Variants in C14orf93 observed in about 807,000 individuals in gnomAD.
The protein encoded by C14orf93 is chromosome 14 open reading frame 93, also known as uncharacterized protein C14orf93.
Under a neutral mutation model 44.0 loss-of-function variants are expected in C14orf93, and 23 were observed. The observed-to-expected ratio is 0.52, with a 90% CI of 0.38 to 0.74. C14orf93 has a LOEUF of 0.74. Among genes scored for constraint, C14orf93 ranks in the 30% least tolerant of loss-of-function variants. C14orf93 has a pLI of 0.00. For missense variants in C14orf93, 579 were observed against 678.9 expected, an observed-to-expected ratio of 0.85 and a Z score of 1.64; for synonymous variants, 253 against 265.7, an observed-to-expected ratio of 0.95 and a Z score of 0.46.
chr14:22,992,504 A>G (rs2045710503), intron 3 of C14orf93, among the ~76,000 whole-genome samples: 1 of 151,250 alleles, frequency 6.6e-6, no homozygotes, highest in East Asian at 1.9e-4. Context: ...TTTGCCTTAG[A>G]TGCTTCAAAA....
Position 22,986,112 on chromosome 14 carries a change from T to G in C14orf93, c.*1103A>C, listed in dbSNP as rs1358785621. The stretch of plus-strand genomic sequence containing the variant: ...TCTCTTGCCCCTGGACTTTTGTACC[T>G]GCAGTTCCCTGTTTGGAACACTCTC... On this transcript the variant is annotated 3_prime_UTR_variant, in exon 7 of 7. Coordinates refer to ENST00000299088, the MANE Select transcript of C14orf93 (RefSeq NM_021944.4). 1 of 152,286 alleles carries G rather than the reference T, an allele frequency of 6.6e-6. No individual in the cohort carries two copies. Among genetic ancestry groups the G allele is most frequent in the Non-Finnish European group, 1.5e-5 (1 of 68,084 alleles). The allele number at this position is 152,286 out of a possible 1,614,324, so 9.4% of individuals were successfully genotyped here.
At chr14:22,997,245 C>T (rs1210484373) in intron 2 of C14orf93, among the ~76,000 whole-genome samples, 1 of 152,298 alleles carries the variant, frequency 6.6e-6, no homozygotes, top group African/African-American at 2.4e-5. Context: ...GTGGCCATTA[C>T]CCATATGGCT....
At chr14:23,006,857 C>G (rs2046641605) in intron 1 of C14orf93, 1 of 152,314 alleles carries the variant, frequency 6.6e-6, no homozygotes, top group Non-Finnish European at 1.5e-5. Context: ...TCTGGGAGTC[C>G]CGGGTAAAGG....
chr14:22,996,345 G>C lies in C14orf93; in HGVS notation c.598-77C>G. On this transcript the variant is annotated intron_variant, in intron 2 of 6. Transcript: ENST00000299088. The surrounding 1 kb of genome is among the most constrained non-coding windows in gnomAD (Gnocchi z 4.1). ...TGGTTAACCATCATTCTTTGGCTAAGAATAGTGAACAGAAAGTGGAAAGAA... is the reference window on the plus strand; with the variant it reads ...TGGTTAACCATCATTCTTTGGCTAACAATAGTGAACAGAAAGTGGAAAGAA... The C allele has an allele frequency of 7.1e-7, 1 of 1,399,536 alleles. No homozygotes were observed. The highest frequency in any genetic ancestry group is 2.4e-5 in the Admixed American group (1 of 41,182). The allele number at this position is 1,399,536 out of a possible 1,614,324, so 86.7% of individuals were successfully genotyped here. A position where few individuals can be genotyped will look rare whatever the true frequency, so the allele number is the denominator to read the frequency against.
intron 3 of C14orf93, among the ~76,000 whole-genome samples, chr14:22,991,865 T>C (rs1031199409): frequency 6.6e-6 from 1 of 152,182 alleles, no homozygotes; most frequent in African/African-American, 2.4e-5. Context: ...CCACCGTGCC[T>C]GGCCATCTTC....
chr14:22,990,771 G>GTGAACAT (rs939162875), intron 3 of C14orf93, among the ~76,000 whole-genome samples: 1 of 150,286 alleles, frequency 6.7e-6, no homozygotes, highest in African/African-American at 2.4e-5. Context: ...GCCCAGCCAA[G>GTGAACAT]TGAACATTTC....
chr14:22,987,498 G>C lies in C14orf93; in HGVS notation c.1334C>G (p.Pro445Arg). Reference sequence around the variant, plus strand: ...TGTGAGGCGCTGGGCCCGGAAACGGGGAGGGCGGGCCACCCACACACCTGG... The same window carrying C: ...TGTGAGGCGCTGGGCCCGGAAACGGCGAGGGCGGGCCACCCACACACCTGG... ...NEPGVWVARP[P>R]RFRAQRLTEL... The change falls in exon 7 of 7, where the codon CCC becomes CGC. Residue 445 changes from proline to arginine, a missense_variant. By Grantham distance (103) the Pro-to-Arg change is moderately radical (BLOSUM62 -2). Coordinates refer to ENST00000299088, the MANE Select transcript of C14orf93 (RefSeq NM_021944.4). This position sits in a 1 kb window ranked among gnomAD's most constrained non-coding sequence, Gnocchi z 5.6. The C allele has an allele frequency of 6.2e-7, 1 of 1,614,250 alleles. No individual in the cohort carries two copies. The highest frequency in any genetic ancestry group is 8.5e-7 in the Non-Finnish European group (1 of 1,180,048).
chr14:22,998,374 T>A, intron 2 of C14orf93, 53 bp downstream of exon 2: 1 of 1,437,128 alleles, frequency 7.0e-7, no homozygotes, highest in Non-Finnish European at 9.2e-7. Flanking sequence ...GGAAAAAGAG[T>A]GAAAAGCCAG....
At chr14:22,995,308 T>C (rs1262723782) in intron 3 of C14orf93, among the ~76,000 whole-genome samples, 1 of 152,250 alleles carries the variant, frequency 6.6e-6, no homozygotes, top group Non-Finnish European at 1.5e-5. Context: ...ACTAGCTTAA[T>C]TTGCAGGCAA....
Position 23,000,443 on chromosome 14 carries a change from T to C in C14orf93, c.-379-1041A>G, listed in dbSNP as rs548220382. ...TTAAAAGGAGAGGAGGAGCCGGGCA[T>C]GGTGGCTCACGCTTGTAATCCCAGC... On this transcript the variant is annotated intron_variant, in intron 1 of 6. Coordinates refer to ENST00000299088, the MANE Select transcript of C14orf93 (RefSeq NM_021944.4). Among the ~76,000 whole-genome samples the C allele has an allele frequency of 8.0e-4, 121 of 152,196 alleles. 2 individuals are homozygous for C. The highest frequency in any genetic ancestry group is 8.5e-4 in the Admixed American group (13 of 15,282).
At position 22,998,829 on chromosome 14, in the gene C14orf93, GATAACAT is replaced by G; in HGVS notation, c.188_194del (p.His63ProfsTer26). 6.2e-7 allele frequency: 1 copy of G among 1,614,212 alleles called. No individual in the cohort carries two copies. The highest frequency in any genetic ancestry group is 8.5e-7 in the Non-Finnish European group (1 of 1,180,042). ...CCACTGCCTTATCGACCCGCTGGTA[GATAACAT>G]GCAGGAGCTGCTCTGAGCTCTGAAC... On this transcript the variant is annotated frameshift_variant, in exon 2 of 7. Transcript: ENST00000299088. LOFTEE classifies it high-confidence loss of function.
Position 22,986,905 on chromosome 14 carries a change from T to C in C14orf93, c.*310A>G. ...AAACAACTCAGAGACAGGGCATATG[T>C]CAAGAAGGCCTCATGTTTCTTGGAC... On this transcript the variant is annotated 3_prime_UTR_variant, in exon 7 of 7. Transcript: ENST00000299088. 2 of 382,272 alleles carry C rather than the reference T, an allele frequency of 5.2e-6. No individual in the cohort carries two copies. The highest frequency in any genetic ancestry group is 9.6e-6 in the Non-Finnish European group (2 of 208,520). 23.7% of individuals were successfully genotyped at this position (382,272 alleles called of 1,614,324 possible). A position where few individuals can be genotyped will look rare whatever the true frequency, so the allele number is the denominator to read the frequency against.
chr14:22,999,580 A>G (rs2046192176), intron 1 of C14orf93, among the ~76,000 whole-genome samples, 178 bp from the exon 2 acceptor site: 1 of 152,230 alleles, frequency 6.6e-6, no homozygotes, highest in Non-Finnish European at 1.5e-5. Context: ...ATATTACTCC[A>G]GGTCCAGAGA....
intron 1 of C14orf93, among the ~76,000 whole-genome samples, chr14:23,003,873 TATATATATATATATATATATATATA>T (rs1566696407): frequency 8.5e-4 from 12 of 14,068 alleles, no homozygotes; most frequent in African/African-American, 2.0e-3. Flanking sequence ...TATATATATA[TATATATATATATATATATATATATA>T]TTTTTTTTTT....
chr14:22,999,170 G>C lies in C14orf93; in HGVS notation c.-147C>G. The C allele has an allele frequency of 7.7e-7, 1 of 1,290,454 alleles. No individual in the cohort carries two copies. The highest frequency in any genetic ancestry group is 1.0e-6 in the Non-Finnish European group (1 of 964,944). 79.9% of individuals were successfully genotyped at this position (1,290,454 alleles called of 1,614,324 possible). A position where few individuals can be genotyped will look rare whatever the true frequency, so the allele number is the denominator to read the frequency against. On this transcript the variant is annotated 5_prime_UTR_variant, in exon 2 of 7. Coordinates refer to ENST00000299088, the MANE Select transcript of C14orf93 (RefSeq NM_021944.4). ...AAGCTGTAGGGTCTGTGAAAGAAGA[G>C]TAAACAAGCCATGAAGAAGCACACA...
Position 22,996,038 on chromosome 14 carries a change from C to T in C14orf93, c.828G>A (p.Leu276=). The T allele has an allele frequency of 1.2e-6, 2 of 1,614,198 alleles. No individual in the cohort carries two copies. Among genetic ancestry groups the T allele is most frequent in the African/African-American group, 1.3e-5 (1 of 75,040 alleles). Reference sequence around the variant, plus strand: ...AAACGGTCAGCCCTAGAGAGTGTCTCAGCTCCCCAGTGCTCCCAGGGCCTG... The same window carrying T: ...AAACGGTCAGCCCTAGAGAGTGTCTTAGCTCCCCAGTGCTCCCAGGGCCTG... The part of the protein sequence containing the change: ...EESGPGSTGE[L]RHSLGLTVSP... The change falls in exon 3 of 7, where the codon CTG becomes CTA. Residue 276 remains leucine, a synonymous_variant. Transcript: ENST00000299088. This position sits in a 1 kb window ranked among gnomAD's most constrained non-coding sequence, Gnocchi z 4.1.
chr14:22,994,699 C>A (rs1281761321), intron 3 of C14orf93, among the ~76,000 whole-genome samples: 1 of 151,600 alleles, frequency 6.6e-6, no homozygotes, highest in Non-Finnish European at 1.5e-5. Flanking sequence ...TGCACTCCAG[C>A]CTGGGCAATG....
chr14:22,987,920 G>A lies in C14orf93; in HGVS notation c.1180C>T (p.Arg394Ter). 8 of 1,613,502 alleles carry A rather than the reference G, an allele frequency of 5.0e-6. No individual in the cohort carries two copies. The highest frequency in any genetic ancestry group is 4.2e-6 in the Non-Finnish European group (5 of 1,179,514). ...GLKEKEEKKL[R>*]SRRYRLFANR... is the part of the protein sequence containing the mutation. Reference sequence around the variant, plus strand: ...AAACCTACCCGATATCGGCGACTTCGAAGTTTCTTCTCCTCTTTTTCCTTC... The same window carrying A: ...AAACCTACCCGATATCGGCGACTTCAAAGTTTCTTCTCCTCTTTTTCCTTC... Residue 394 changes from arginine to a stop codon, truncating the protein, a stop_gained, in exon 6 of 7, where the codon CGA becomes TGA. Transcript: ENST00000299088. LOFTEE classifies it high-confidence loss of function. This position sits in a 1 kb window ranked among gnomAD's most constrained non-coding sequence, Gnocchi z 5.6.
Position 23,001,858 on chromosome 14 carries a change from A to T in C14orf93, c.-379-2456T>A, listed in dbSNP as rs925762825. 1.1e-4 allele frequency among the ~76,000 whole-genome samples: 16 copies of T among 149,174 alleles called. 1 individual carries two copies. The highest frequency in any genetic ancestry group is 2.1e-4 in the South Asian group (1 of 4,766). On this transcript the variant is annotated intron_variant, in intron 1 of 6. Transcript: ENST00000299088. ...GCAGGTTAAAAAAAAAAAAAAAAAA[A>T]AAAAAAAAAGGGCTGGGCGGTGGCT...
Sources: allele counts gnomAD v4.1 joint callset (sites outside exome capture counted in the v4.1 genomes callset), GRCh38; gene constraint gnomAD v4.1.1; non-coding constraint Gnocchi (gnomAD v3.1); transcripts MANE v1.5; gene names NCBI Gene and HGNC (gene_info 2026-07-23, HGNC 2026-07-21).